The following SCAF11 variants were observed in gnomAD, a reference collection of about 807,000 sequenced individuals.
SCAF11 encodes the protein protein SCAF11.
Under a neutral mutation model 140.5 loss-of-function variants are expected in SCAF11, and 47 were observed. The ratio of observed to expected loss-of-function variants is 0.33; its 90% confidence interval spans 0.26 to 0.43. The LOEUF (loss-of-function observed/expected upper bound fraction) is 0.43, where lower values mean the gene tolerates loss of function less well. Among genes scored for constraint, SCAF11 ranks in the 20% least tolerant of loss-of-function variants. SCAF11 has a pLI of 1.00. For missense variants in SCAF11, 1,645 were observed against 1,705.1 expected, an observed-to-expected ratio of 0.96 and a Z score of 0.62; for synonymous variants, 557 against 579.4, an observed-to-expected ratio of 0.96 and a Z score of 0.55.
chr12:45,953,747 T>A, intron 3 of SCAF11: 2 of 359,518 alleles, frequency 5.6e-6, no homozygotes, highest in South Asian at 4.9e-5. Flanking sequence ...TACTTTCGTA[T>A]CTTTTTAATA....
intron 3 of SCAF11, among the ~76,000 whole-genome samples, chr12:45,953,197 A>T (rs1945591296): frequency 6.6e-6 from 1 of 152,212 alleles, no homozygotes; most frequent in Non-Finnish European, 1.5e-5. Flanking sequence ...TACTTTCCCT[A>T]TAGAAAACTT....
intron 1 of SCAF11, among the ~76,000 whole-genome samples, chr12:45,972,479 G>A (rs1946095970): frequency 6.6e-6 from 1 of 151,346 alleles, no homozygotes; most frequent in South Asian, 2.1e-4. Context: ...CAGCTAATCA[G>A]GTGACTGGGG....
chr12:45,972,945 T>TAGATAGATAG (rs1555171452), intron 1 of SCAF11, among the ~76,000 whole-genome samples: 1 of 99,216 alleles, frequency 1.0e-5, no homozygotes, highest in South Asian at 2.9e-4. Flanking sequence ...TATAGATATA[T>TAGATAGATAG]ATATAGATAT....
intron 6 of SCAF11, 45 bp from the exon 7 acceptor site, chr12:45,934,550 T>C (rs1945127270): frequency 7.4e-7 from 1 of 1,354,656 alleles, no homozygotes; most frequent in Non-Finnish European, 1.0e-6. Context: ...TATTAATTTT[T>C]ATTAAAAAGG....
chr12:45,928,349 T>A lies in SCAF11; in HGVS notation c.1352A>T (p.Asn451Ile). Residue 451 changes from asparagine to isoleucine, a missense_variant, in exon 11 of 15, where the codon AAT becomes ATT. Physicochemically the swap from Asn to Ile is moderately radical, Grantham distance 149. Around this residue, in one of 2 missense-constraint regions of SCAF11, gnomAD observed 1,582 missense variants for 1,609.2 expected, o/e 0.98. Coordinates refer to ENST00000369367, the MANE Select transcript of SCAF11 (RefSeq NM_004719.3). ...CTTCTCACTTTCTTCTATTTGCTCA[T>A]TGCAACTTTTCAAGCAATTAGCAGA... is the stretch of plus-strand genomic sequence containing the variant. ...NQSANCLKSC[N>I]EQIEESEKHT... 6.2e-7 allele frequency: 1 copy of A among 1,614,146 alleles called. No individual in the cohort carries two copies. The highest frequency in any genetic ancestry group is 1.1e-5 in the South Asian group (1 of 91,082).
chr12:45,925,061 T>C lies in SCAF11; in HGVS notation c.3573A>G (p.Lys1191=), dbSNP rs757071059. The C allele has an allele frequency of 5.0e-6, 8 of 1,611,656 alleles. No homozygotes were observed. Among genetic ancestry groups the C allele is most frequent in the Non-Finnish European group, 6.8e-6 (8 of 1,177,964 alleles). Reference sequence around the variant, plus strand: ...CATCAACTTGCTGGTTTGTTTGGTCTTTTAGGCTAGAATCTATCAAAAGAA... The same window carrying C: ...CATCAACTTGCTGGTTTGTTTGGTCCTTTAGGCTAGAATCTATCAAAAGAA... ...EETSGQDSSL[K]DQTNQQVDGS... Residue 1191 remains lysine (K), a synonymous_variant, in exon 12 of 15, where the codon AAA becomes AAG. Transcript: ENST00000369367.
intron 1 of SCAF11, among the ~76,000 whole-genome samples, chr12:45,980,414 C>T (rs1010838169): frequency 6.6e-6 from 1 of 152,160 alleles, no homozygotes; most frequent in Non-Finnish European, 1.5e-5. Flanking sequence ...TGATTCTAAA[C>T]ACACTTAGTC....
intron 1 of SCAF11, among the ~76,000 whole-genome samples, chr12:45,964,438 C>T (rs554306231): frequency 3.3e-5 from 5 of 152,174 alleles, no homozygotes; most frequent in South Asian, 2.1e-4. Flanking sequence ...GAGGCCGAGG[C>T]GGGCGGATCA....
At chr12:45,930,709 G>A (rs1329181698) in intron 10 of SCAF11, among the ~76,000 whole-genome samples, 2 of 152,052 alleles carry the variant, frequency 1.3e-5, no homozygotes, top group Non-Finnish European at 2.9e-5. Context: ...GTGGAACCAT[G>A]TGGTTTGAGT....
chr12:45,977,714 C>T (rs1440994364), intron 1 of SCAF11, among the ~76,000 whole-genome samples: 1 of 152,102 alleles, frequency 6.6e-6, no homozygotes, highest in Non-Finnish European at 1.5e-5. Flanking sequence ...ATTCTTATAA[C>T]TACTGCCAAC....
At chr12:45,982,670 A>G (rs1349477085) in intron 1 of SCAF11, among the ~76,000 whole-genome samples, 1 of 152,154 alleles carries the variant, frequency 6.6e-6, no homozygotes. Context: ...GTACCACTGC[A>G]CTCCAGCCTG....
chr12:45,961,199 C>G (rs1945816871), intron 3 of SCAF11: 2 of 615,592 alleles, frequency 3.2e-6, no homozygotes, highest in Non-Finnish European at 5.9e-6. Flanking sequence ...AGATCTTGAC[C>G]AAGTCATAGA....
intron 1 of SCAF11, among the ~76,000 whole-genome samples, chr12:45,966,041 C>T (rs10880873): frequency 0.29 from 43,778 of 151,834 alleles, 6,499 homozygotes; most frequent in East Asian, 0.33. Flanking sequence ...ATTTCCCACT[C>T]TTAGCCTATG....
In SCAF11 at chr12:45,926,960, C is replaced by T. The variant is rs374605780; in HGVS notation, c.2741G>A (p.Arg914Gln). ...GEKSRSQSRE[R>Q]ESDRDGQRRE... ...CCTCTGCCCATCTCTATCACTTTCT[C>T]GTTCTCTGCTCTGGGACCTGGATTT... Residue 914 changes from arginine (R) to glutamine (Q), a missense_variant, in exon 11 of 15, where the codon CGA becomes CAA. Transcript: ENST00000369367. 28 of 1,612,460 alleles carry T rather than the reference C, an allele frequency of 1.7e-5. No homozygotes were observed. Among genetic ancestry groups the T allele is most frequent in the Middle Eastern group, 1.6e-4 (1 of 6,084 alleles).
chr12:45,980,993 A>C (rs1448048928), intron 1 of SCAF11, among the ~76,000 whole-genome samples: 8 of 152,194 alleles, frequency 5.3e-5, no homozygotes, highest in Admixed American at 4.6e-4. Flanking sequence ...TGTTTTAGGG[A>C]AACAGGGCAG....
intron 1 of SCAF11, among the ~76,000 whole-genome samples, chr12:45,988,554 C>G (rs1248132831): frequency 6.6e-6 from 1 of 152,176 alleles, no homozygotes; most frequent in African/African-American, 2.4e-5. Flanking sequence ...TCTTAACACA[C>G]TAGCCCTATT....
intron 3 of SCAF11, among the ~76,000 whole-genome samples, chr12:45,952,839 G>A (rs1945583095): frequency 6.6e-6 from 1 of 152,136 alleles, no homozygotes; most frequent in Admixed American, 6.6e-5. Context: ...TAGTCTCAAA[G>A]AGCAAAGATA....
At chr12:45,977,175 AT>A (rs1027318378) in intron 1 of SCAF11, among the ~76,000 whole-genome samples, 2 of 152,112 alleles carry the variant, frequency 1.3e-5, no homozygotes, top group African/African-American at 4.8e-5. Flanking sequence ...CAAAAAAAAA[AT>A]AGTACATGAA....
intron 1 of SCAF11, among the ~76,000 whole-genome samples, chr12:45,966,607 T>C (rs570134140): frequency 2.6e-5 from 4 of 151,944 alleles, no homozygotes; most frequent in African/African-American, 7.3e-5. Flanking sequence ...AAAGGGACAT[T>C]TGAACTGGCA....
Sources: allele counts gnomAD v4.1 joint callset (sites outside exome capture counted in the v4.1 genomes callset), GRCh38; gene constraint gnomAD v4.1.1; regional missense constraint gnomAD v4.1.1; transcripts MANE v1.5; gene names NCBI Gene and HGNC (gene_info 2026-07-23, HGNC 2026-07-21).